The following THUMPD3 variants were observed in gnomAD, a reference collection of about 807,000 sequenced individuals.
THUMPD3 encodes THUMP domain 3 tRNA guanosine methyltransferase, also known as tRNA (guanine(6)-N(2))-methyltransferase THUMP3.
THUMPD3 carries 44 observed loss-of-function variants against 54.5 expected under a neutral mutation model. That is an observed-to-expected ratio of 0.81 (90% confidence interval 0.63 to 1.04). The LOEUF (loss-of-function observed/expected upper bound fraction) is 1.04. Among genes scored for constraint, THUMPD3 ranks in the 50% least tolerant of loss-of-function variants. THUMPD3 has a pLI of 0.00. For synonymous variants in THUMPD3, 196 were observed against 201.4 expected (o/e 0.97, Z 0.23); for missense variants, 604 against 601.3 (o/e 1.00, Z -0.05).
rs560465715 is a variant in THUMPD3 at position 9,369,820 on chromosome 3, A to T, written c.331-1240A>T. ...TACTTATTGATAATGACAACTGTTT[A>T]GTCTTAGTTTTGTCATGCTCATACT... On this transcript the variant is annotated intron_variant, in intron 3 of 9. Coordinates refer to ENST00000452837, the MANE Select transcript of THUMPD3 (RefSeq NM_001114092.2). Among the ~76,000 whole-genome samples the T allele has an allele frequency of 5.9e-5, 9 of 152,324 alleles. No individual in the cohort carries two copies. In the South Asian group the frequency reaches 1.9e-3, roughly 32 times the overall value.
chr3:9,380,657 A>T, intron 7 of THUMPD3, 39 bp downstream of exon 7: 1 of 1,440,484 alleles, frequency 6.9e-7, no homozygotes, highest in South Asian at 1.2e-5. Flanking sequence ...TTTTAGAGTT[A>T]GAGAATCACT....
intron 5 of THUMPD3, among the ~76,000 whole-genome samples, chr3:9,376,222 T>G: frequency 6.6e-6 from 1 of 152,092 alleles, no homozygotes; most frequent in East Asian, 1.9e-4. Flanking sequence ...TAAAGAGAAA[T>G]CTTGGGGATT....
chr3:9,374,457 T>G, intron 4 of THUMPD3, 59 bp from the exon 5 acceptor site: 1 of 1,589,264 alleles, frequency 6.3e-7, no homozygotes, highest in South Asian at 1.1e-5. Context: ...AAAAGTCTTA[T>G]TACTAAGCGC....
At chr3:9,363,981 GAAC>G (rs2031214457) in intron 1 of THUMPD3, 1 of 151,498 alleles carries the variant, frequency 6.6e-6, no homozygotes, top group South Asian at 2.1e-4. Context: ...GATTGGTCTC[GAAC>G]TCTTGGCCTC....
chr3:9,375,599 A>G (rs1429752630), intron 5 of THUMPD3, among the ~76,000 whole-genome samples: 1 of 152,248 alleles, frequency 6.6e-6, no homozygotes, highest in East Asian at 1.9e-4. Flanking sequence ...CCTATTATAT[A>G]CAGTGCCTGG....
At chr3:9,366,847 G>A (rs1317746913) in intron 2 of THUMPD3, 61 bp from the exon 3 acceptor site, 2 of 1,331,818 alleles carry the variant, frequency 1.5e-6, no homozygotes, top group African/African-American at 1.5e-5. Context: ...ATACTTAATT[G>A]TTGATAGCTT....
intron 7 of THUMPD3, among the ~76,000 whole-genome samples, chr3:9,381,350 A>T (rs1295373709): frequency 2.6e-5 from 4 of 152,080 alleles, no homozygotes; most frequent in Non-Finnish European, 5.9e-5. Context: ...CTCTGATCTA[A>T]TTTTTTAGGA....
intron 3 of THUMPD3, among the ~76,000 whole-genome samples, chr3:9,369,850 G>A (rs925415952): frequency 1.3e-5 from 2 of 151,882 alleles, no homozygotes; most frequent in Non-Finnish European, 2.9e-5. Flanking sequence ...CATACTTTTT[G>A]TTTTTTCTTA....
chr3:9,366,386 T>G (rs2031569051), intron 2 of THUMPD3, among the ~76,000 whole-genome samples: 1 of 152,182 alleles, frequency 6.6e-6, no homozygotes, highest in Admixed American at 6.5e-5. Flanking sequence ...CCAGAAAATA[T>G]CTGTGGGATG....
At chr3:9,370,662 T>C (rs567615204) in intron 3 of THUMPD3, among the ~76,000 whole-genome samples, 2 of 152,270 alleles carry the variant, frequency 1.3e-5, no homozygotes, top group South Asian at 2.1e-4. Context: ...CCCAGTCTGG[T>C]CTCAAACTCC....
chr3:9,380,073 C>T (rs1270311993), intron 6 of THUMPD3, among the ~76,000 whole-genome samples: 1 of 152,034 alleles, frequency 6.6e-6, no homozygotes, highest in African/African-American at 2.4e-5. Flanking sequence ...ATTTTCAAAC[C>T]GCATTAACTT....
intron 7 of THUMPD3, among the ~76,000 whole-genome samples, chr3:9,382,635 A>G (rs539705953): frequency 2.0e-4 from 30 of 152,268 alleles, no homozygotes; most frequent in African/African-American, 6.5e-4. Context: ...AGCAACTTAA[A>G]TTTTTGTATC....
intron 6 of THUMPD3, among the ~76,000 whole-genome samples, chr3:9,379,781 C>T (rs946584116): frequency 3.3e-5 from 5 of 152,152 alleles, no homozygotes; most frequent in Non-Finnish European, 7.3e-5. Flanking sequence ...CAACCTCTGC[C>T]TCCCTGTCTT....
rs1488847365 is a variant in THUMPD3, at chr3:9,365,258, T to C, written c.190T>C (p.Cys64Arg). The C allele has an allele frequency of 6.2e-7, 1 of 1,614,206 alleles. No homozygotes were observed. Among genetic ancestry groups the C allele is most frequent in the Non-Finnish European group, 8.5e-7 (1 of 1,180,046 alleles). Reference sequence around the variant, plus strand: ...AGTCAGAGAGAAACTTGGGTCATCATGCAAAATCAGCAGAGACCGTGGCAA... The same window carrying C: ...AGTCAGAGAGAAACTTGGGTCATCACGCAAAATCAGCAGAGACCGTGGCAA... ...DEVREKLGSS[C>R]KISRDRGKIY... The change falls in exon 2 of 10, where the codon TGC becomes CGC. Residue 64 changes from cysteine (C) to arginine (R), a missense_variant. Coordinates refer to ENST00000452837, the MANE Select transcript of THUMPD3 (RefSeq NM_001114092.2).
At chr3:9,375,373 G>C (rs2032385140) in intron 5 of THUMPD3, among the ~76,000 whole-genome samples, 1 of 152,186 alleles carries the variant, frequency 6.6e-6, no homozygotes, top group East Asian at 1.9e-4. Flanking sequence ...TATACTCACA[G>C]CAACTCAGGA....
intron 3 of THUMPD3, among the ~76,000 whole-genome samples, chr3:9,368,076 T>C (rs531903689): frequency 6.6e-6 from 1 of 151,708 alleles, no homozygotes; most frequent in African/African-American, 2.4e-5. Flanking sequence ...AAAAAAAAAG[T>C]CAGACTGAAA....
In THUMPD3 at chr3:9,385,481, G is replaced by A. The variant is rs982716503; in HGVS notation, c.*793G>A. ...TTTGTGAATGGTGTTCAGCCTATAAGACGAAGTCTCACAAGACCTATAGGA... is the reference window on the plus strand; with the variant it reads ...TTTGTGAATGGTGTTCAGCCTATAAAACGAAGTCTCACAAGACCTATAGGA... On this transcript the variant is annotated 3_prime_UTR_variant, in exon 10 of 10. Coordinates refer to ENST00000452837, the MANE Select transcript of THUMPD3 (RefSeq NM_001114092.2). The A allele has an allele frequency of 6.6e-6, 1 of 152,186 alleles. No homozygotes were observed. Among genetic ancestry groups the A allele is most frequent in the African/African-American group, 2.4e-5 (1 of 41,442 alleles). 9.4% of individuals were successfully genotyped at this position (152,186 alleles called of 1,614,324 possible).
chr3:9,373,433 C>T (rs2032218795), intron 4 of THUMPD3, among the ~76,000 whole-genome samples: 1 of 151,952 alleles, frequency 6.6e-6, no homozygotes, highest in African/African-American at 2.4e-5. Context: ...AAGTCCAGGC[C>T]ACAGTGATCT....
chr3:9,377,877 A>G lies in THUMPD3; in HGVS notation c.997A>G (p.Ile333Val), dbSNP rs374584327. ...CGATCCAATGTGTGGAACTGGGGCA[A>G]TACCAATAGAGGTAATCATATTTCT... Reference protein sequence around the residue: ...IVDPMCGTGAIPIEGATEWSD... With the variant: ...IVDPMCGTGAVPIEGATEWSD... Residue 333 changes from isoleucine to valine, a missense_variant, in exon 6 of 10, where the codon ATA becomes GTA. Coordinates refer to ENST00000452837, the MANE Select transcript of THUMPD3 (RefSeq NM_001114092.2). 1 of 1,611,690 alleles carries G rather than the reference A, an allele frequency of 6.2e-7. No individual in the cohort carries two copies.
Sources: gnomAD v4.1 joint callset for allele counts (sites outside exome capture counted in the v4.1 genomes callset) on GRCh38, gnomAD v4.1.1 for gene constraint, MANE v1.5 for transcripts, NCBI Gene and HGNC (gene_info 2026-07-23, HGNC 2026-07-21) for gene names.